The following ASCC1 variants were observed in gnomAD, a reference collection of about 807,000 sequenced individuals.
ASCC1 encodes ASC-1 complex subunit P50.
A neutral mutation model predicts 46.6 loss-of-function variants in ASCC1; 35 were observed. The ratio of observed to expected loss-of-function variants is 0.75; its 90% confidence interval spans 0.57 to 0.99. ASCC1 has a LOEUF of 0.99. Among genes scored for constraint, ASCC1 ranks in the 50% least tolerant of loss-of-function variants. ASCC1 has a pLI of 0.00. For missense variants in ASCC1, 376 were observed against 428.7 expected, an observed-to-expected ratio of 0.88 and a Z score of 1.09; for synonymous variants, 143 against 146.6, an observed-to-expected ratio of 0.98 and a Z score of 0.18.
intron 4 of ASCC1, 67 bp from the exon 5 acceptor site, chr10:72,197,056 G>A (rs1361462329): frequency 9.3e-6 from 14 of 1,504,742 alleles, no homozygotes; most frequent in South Asian, 2.3e-5. Flanking sequence ...AGGACCTCTT[G>A]ATACTGTCAC....
At chr10:72,214,641 T>C (rs1858805647) in intron 1 of ASCC1, among the ~76,000 whole-genome samples, 1 of 152,080 alleles carries the variant, frequency 6.6e-6, no homozygotes, top group Non-Finnish European at 1.5e-5. Context: ...TCTCCCAAAG[T>C]GCTGGGATTA....
intron 5 of ASCC1, among the ~76,000 whole-genome samples, chr10:72,186,563 T>C (rs993103268): frequency 6.6e-6 from 1 of 152,114 alleles, no homozygotes; most frequent in Non-Finnish European, 1.5e-5. Context: ...TAAATTGAGG[T>C]AATAAATGCA....
At chr10:72,156,780 A>G (rs968983841) in intron 6 of ASCC1, among the ~76,000 whole-genome samples, 3 of 151,926 alleles carry the variant, frequency 2.0e-5, no homozygotes, top group Non-Finnish European at 2.9e-5. Flanking sequence ...TCAAAAAAAA[A>G]AAAAAGAAAA....
chr10:72,189,272 G>A (rs1308554974), intron 5 of ASCC1, among the ~76,000 whole-genome samples: 1 of 151,798 alleles, frequency 6.6e-6, no homozygotes, highest in African/African-American at 2.4e-5. Context: ...GCCGGGCGGG[G>A]TGGCGGGCGC....
chr10:72,161,605 G>A lies in ASCC1; in HGVS notation c.559C>T (p.Leu187Phe). 1 of 1,614,134 alleles carries A rather than the reference G, an allele frequency of 6.2e-7. No homozygotes were observed. Among genetic ancestry groups the A allele is most frequent in the Non-Finnish European group, 8.5e-7 (1 of 1,180,024 alleles). Residue 187 changes from leucine (L) to phenylalanine (F), a missense_variant, in exon 6 of 10, where the codon CTT becomes TTT. Coordinates refer to ENST00000672957, the MANE Select transcript of ASCC1 (RefSeq NM_001198800.3). Reference sequence around the variant, plus strand: ...TGCTGGATCTCTTCCTCACTCAAAAGCACCAACATCCCAATAGTTAGATGA... The same window carrying A: ...TGCTGGATCTCTTCCTCACTCAAAAACACCAACATCCCAATAGTTAGATGA... ...KLHLTIGMLVLLSEEEIQQTC... is the reference protein window; with the variant it reads ...KLHLTIGMLVFLSEEEIQQTC...
chr10:72,144,056 C>T (rs1847350096), intron 7 of ASCC1, among the ~76,000 whole-genome samples: 1 of 151,806 alleles, frequency 6.6e-6, no homozygotes, highest in Admixed American at 6.6e-5. Flanking sequence ...TGGCTCACTG[C>T]AACCTCCACC....
intron 5 of ASCC1, among the ~76,000 whole-genome samples, chr10:72,170,841 A>G (rs1256170949): frequency 6.6e-6 from 1 of 152,146 alleles, no homozygotes; most frequent in Non-Finnish European, 1.5e-5. Flanking sequence ...TAACATTATT[A>G]TGCAAAAAAA....
intron 9 of ASCC1, among the ~76,000 whole-genome samples, chr10:72,104,004 G>A (rs555064478): frequency 1.3e-5 from 2 of 152,264 alleles, no homozygotes; most frequent in South Asian, 4.1e-4. Context: ...AAATAAATTT[G>A]TATGTTTTTC....
At chr10:72,174,644 G>A (rs1426969247) in intron 5 of ASCC1, among the ~76,000 whole-genome samples, 1 of 152,162 alleles carries the variant, frequency 6.6e-6, no homozygotes, top group Non-Finnish European at 1.5e-5. Context: ...CCAATTGCCA[G>A]AGACAAAAAA....
intron 9 of ASCC1, among the ~76,000 whole-genome samples, chr10:72,103,932 C>T (rs1842071898): frequency 6.6e-6 from 1 of 152,162 alleles, no homozygotes; most frequent in Non-Finnish European, 1.5e-5. Flanking sequence ...TAAAAATACA[C>T]AAGTTACCAC....
rs754428176 is a variant in ASCC1 at position 72,161,559 on chromosome 10, T to C, written c.605A>G (p.Gln202Arg). ...TCACTTAATGAATTCCTCTTTACAC[T>C]GCTGTAGCATCTCACATGTCTGCTG... is the stretch of plus-strand genomic sequence containing the variant. The part of the protein sequence containing the change: ...EIQQTCEMLQ[Q>R]CKEEFINDIS... The change falls in exon 6 of 10, where the codon CAG becomes CGG. Residue 202 changes from glutamine to arginine, a missense_variant. Coordinates refer to ENST00000672957, the MANE Select transcript of ASCC1 (RefSeq NM_001198800.3). 1.2e-6 allele frequency: 2 copies of C among 1,614,092 alleles called. No homozygotes were observed. The highest frequency in any genetic ancestry group is 1.7e-6 in the Non-Finnish European group (2 of 1,180,042).
chr10:72,160,241 T>G (rs1011145813), intron 6 of ASCC1, among the ~76,000 whole-genome samples: 1 of 152,212 alleles, frequency 6.6e-6, no homozygotes. Flanking sequence ...AGAAAAATTT[T>G]AGATCCTTTT....
chr10:72,215,702 C>G (rs1427968095), intron 1 of ASCC1: 2 of 152,228 alleles, frequency 1.3e-5, no homozygotes, highest in Non-Finnish European at 2.9e-5. Flanking sequence ...GCGGAGACAG[C>G]AAATGCAGCA....
At chr10:72,181,943 C>CCCA (rs1398199208) in intron 5 of ASCC1, among the ~76,000 whole-genome samples, 7 of 152,164 alleles carry the variant, frequency 4.6e-5, no homozygotes, top group Non-Finnish European at 7.3e-5. Flanking sequence ...ACCTCAGCCT[C>CCCA]CCAAAGTGCT....
intron 5 of ASCC1, among the ~76,000 whole-genome samples, chr10:72,192,850 A>C (rs1854752922): frequency 6.6e-6 from 1 of 152,220 alleles, no homozygotes; most frequent in Non-Finnish European, 1.5e-5. Flanking sequence ...ACCAAAGATA[A>C]TATAAGGATG....
intron 9 of ASCC1, among the ~76,000 whole-genome samples, chr10:72,117,155 C>T (rs907950725): frequency 6.6e-6 from 1 of 152,206 alleles, no homozygotes; most frequent in African/African-American, 2.4e-5. Context: ...TCTTCGAACA[C>T]AGTAAGCATA....
At chr10:72,130,676 T>C (rs1845478028) in intron 8 of ASCC1, among the ~76,000 whole-genome samples, 1 of 152,230 alleles carries the variant, frequency 6.6e-6, no homozygotes. Context: ...AAATACTGTC[T>C]ATACCTGCAA....
rs774462067 is a variant in ASCC1 at position 72,196,992 on chromosome 10, G to A, written c.311-3C>T. The A allele has an allele frequency of 6.8e-6, 11 of 1,613,400 alleles. No homozygotes were observed. Among genetic ancestry groups the A allele is most frequent in the Admixed American group, 5.0e-5 (3 of 59,988 alleles). On this transcript the variant is annotated splice_region_variant and splice_polypyrimidine_tract_variant and intron_variant, in intron 4 of 9. Coordinates refer to ENST00000672957, the MANE Select transcript of ASCC1 (RefSeq NM_001198800.3). Reference sequence around the variant, plus strand: ...ATTTCGATGCTGGCCAGTGATTACTGTAAACAAAGAAGAAAGGGTAAACTG... The same window carrying A: ...ATTTCGATGCTGGCCAGTGATTACTATAAACAAAGAAGAAAGGGTAAACTG...
chr10:72,205,732 G>A (rs942057082), intron 3 of ASCC1, among the ~76,000 whole-genome samples: 1 of 152,084 alleles, frequency 6.6e-6, no homozygotes, highest in Non-Finnish European at 1.5e-5. Flanking sequence ...GGAGACAGGG[G>A]TTGCAGTAAG....
Sources: allele counts gnomAD v4.1 joint callset (sites outside exome capture counted in the v4.1 genomes callset), GRCh38; gene constraint gnomAD v4.1.1; transcripts MANE v1.5; gene names NCBI Gene and HGNC (gene_info 2026-07-23, HGNC 2026-07-21).